Variants in TMEM74B observed in about 807,000 individuals in gnomAD.
TMEM74B encodes transmembrane protein C20orf46.
A neutral mutation model predicts 6.5 loss-of-function variants in TMEM74B; 7 were observed. The observed-to-expected ratio is 1.07, with a 90% CI of 0.61 to 2.01. TMEM74B has a LOEUF of 2.01. Ranked by LOEUF, TMEM74B falls within the 30% of genes most tolerant of loss-of-function variation. TMEM74B has a pLI of 0.00. For missense variants in TMEM74B, 342 were observed against 337.0 expected (o/e 1.01, Z -0.12); for synonymous variants, 151 against 151.6 (o/e 1.00, Z 0.03).
Position 1,183,667 on chromosome 20 carries a change from T to C in TMEM74B, c.31+104A>G. 3 of 1,408,580 alleles carry C rather than the reference T, an allele frequency of 2.1e-6. No homozygotes were observed. In the South Asian group the frequency reaches 3.7e-5, roughly 17 times the overall value. 87.3% of individuals were successfully genotyped at this position (1,408,580 alleles called of 1,614,324 possible). Reference sequence around the variant, plus strand: ...CACCAGCCCCACGATCCGGAATTACTGTCTCTATTTCATAAAACATGGCCA... The same window carrying C: ...CACCAGCCCCACGATCCGGAATTACCGTCTCTATTTCATAAAACATGGCCA... On this transcript the variant is annotated intron_variant, in intron 2 of 2. Transcript: ENST00000429036.
Position 1,180,942 on chromosome 20 carries a change from C to G in TMEM74B, c.677G>C (p.Arg226Pro). 6.2e-7 allele frequency: 1 copy of G among 1,614,128 alleles called. No individual in the cohort carries two copies. Residue 226 changes from arginine to proline, a missense_variant, in exon 3 of 3, where the codon CGC (arginine) becomes CCC (proline). Physicochemically the swap from Arg to Pro is moderately radical, Grantham distance 103 (BLOSUM62 -2). Coordinates refer to ENST00000429036, the MANE Select transcript of TMEM74B (RefSeq NM_001304748.2). The surrounding 1 kb of genome is among the most constrained non-coding windows in gnomAD (Gnocchi z 6.1). ...SRKTYGSINL[R>P]MRQLNGDGGQ... Reference sequence around the variant, plus strand: ...CCCATCCCCATTGAGCTGTCTCATGCGCAGGTTAATGGAGCCGTAGGTCTT... The same window carrying G: ...CCCATCCCCATTGAGCTGTCTCATGGGCAGGTTAATGGAGCCGTAGGTCTT...
Position 1,181,932 on chromosome 20 carries a change from A to T in TMEM74B, c.32-345T>A, listed in dbSNP as rs2086881846. ...AGTACTCAGAACACTAAGTGCTCAA[A>T]GTTAGCGATGAGTTCCTATTATACT... On this transcript the variant is annotated intron_variant, in intron 2 of 2. Coordinates refer to ENST00000429036, the MANE Select transcript of TMEM74B (RefSeq NM_001304748.2). The surrounding 1 kb of genome is among the most constrained non-coding windows in gnomAD (Gnocchi z 4.9). Among the ~76,000 whole-genome samples, 1 of 152,208 alleles carries T rather than the reference A, an allele frequency of 6.6e-6. No homozygotes were observed. Among genetic ancestry groups the T allele is most frequent in the South Asian group, 2.1e-4 (1 of 4,824 alleles).
At chr20:1,188,126 T>C (rs1035636154), upstream of TMEM74B, among the ~76,000 whole-genome samples, 4 of 150,946 alleles carry the variant, frequency 2.6e-5, no homozygotes, top group Non-Finnish European at 1.5e-5. Flanking sequence ...TGCAGATGAT[T>C]ACATACAGAA....
Position 1,181,241 on chromosome 20 carries a change from G to GAAAAC in TMEM74B, c.377_378insGTTTT (p.Leu127PhefsTer7). On this transcript the variant is annotated frameshift_variant, in exon 3 of 3. Transcript: ENST00000429036. LOFTEE classifies it high-confidence loss of function. The surrounding 1 kb of genome is among the most constrained non-coding windows in gnomAD (Gnocchi z 4.9). ...GAATCCCACTCACCAGGAAAACGAG[G>GAAAAC]GCGGAAACAAAGCCATAATCCACCG... is the stretch of plus-strand genomic sequence containing the variant. 2 of 1,614,098 alleles carry GAAAAC rather than the reference G, an allele frequency of 1.2e-6. No individual in the cohort carries two copies. Among genetic ancestry groups the GAAAAC allele is most frequent in the Non-Finnish European group, 1.7e-6 (2 of 1,180,010 alleles).
In TMEM74B at chr20:1,184,621, TACACACAC is replaced by T. The variant is rs66669236; in HGVS notation, c.-475_-468del. 0.085 allele frequency: 12,267 copies of T among 145,130 alleles called. 535 individuals are homozygous for T. The highest frequency in any genetic ancestry group is 0.2 in the South Asian group (861 of 4,410). The allele number at this position is 145,130 out of a possible 1,614,324, so 9.0% of individuals were successfully genotyped here. On this transcript the variant is annotated 5_prime_UTR_variant, in exon 1 of 3. Coordinates refer to ENST00000429036, the MANE Select transcript of TMEM74B (RefSeq NM_001304748.2). This position sits in a 1 kb window ranked among gnomAD's most constrained non-coding sequence, Gnocchi z 6.0. ...GTACCCCGTCACACGCACACGCGCG[TACACACAC>T]ACACACACACACACACACACACACA...
chr20:1,185,130 G>C (rs2086987936), upstream of TMEM74B: 1 of 152,094 alleles, frequency 6.6e-6, no homozygotes, highest in Non-Finnish European at 1.5e-5. Context: ...CCCTCTCCGC[G>C]TGCGTACCTG....
In TMEM74B at chr20:1,184,161, T is replaced by G. The variant is rs768759293; in HGVS notation, c.-148+141A>C. 4.7e-6 allele frequency: 1 copy of G among 213,366 alleles called. No homozygotes were observed. Among genetic ancestry groups the G allele is most frequent in the Non-Finnish European group, 9.3e-6 (1 of 107,582 alleles). The allele number at this position is 213,366 out of a possible 1,614,324, so 13.2% of individuals were successfully genotyped here. A position where few individuals can be genotyped will look rare whatever the true frequency, so the allele number is the denominator to read the frequency against. On this transcript the variant is annotated intron_variant, in intron 1 of 2. Coordinates refer to ENST00000429036, the MANE Select transcript of TMEM74B (RefSeq NM_001304748.2). The surrounding 1 kb of genome is among the most constrained non-coding windows in gnomAD (Gnocchi z 6.0). Reference sequence around the variant, plus strand: ...CAGGAACCCCTTTCCCAGACTGATATATTGATGCCTCCACACCCTGGAAGA... The same window carrying G: ...CAGGAACCCCTTTCCCAGACTGATAGATTGATGCCTCCACACCCTGGAAGA...
At position 1,184,600 on chromosome 20, in the gene TMEM74B, C is replaced by CCGAAGT. The variant is rs1458463589; in HGVS notation, c.-447_-446insACTTCG. The CCGAAGT allele has an allele frequency of 6.7e-6, 1 of 150,324 alleles. No individual in the cohort carries two copies. The highest frequency in any genetic ancestry group is 1.5e-5 in the Non-Finnish European group (1 of 68,306). The allele number at this position is 150,324 out of a possible 1,614,324, so 9.3% of individuals were successfully genotyped here. On this transcript the variant is annotated 5_prime_UTR_variant, in exon 1 of 3. Transcript: ENST00000429036. The surrounding 1 kb of genome is among the most constrained non-coding windows in gnomAD (Gnocchi z 6.0). ...TCGGATCTTCGGGCCACGCGAGTAC[C>CCGAAGT]CCGTCACACGCACACGCGCGTACAC... is the stretch of plus-strand genomic sequence containing the variant.
In TMEM74B at chr20:1,184,556, A is replaced by T. The variant is rs1334752994; in HGVS notation, c.-402T>A. On this transcript the variant is annotated 5_prime_UTR_variant, in exon 1 of 3. Transcript: ENST00000429036. The surrounding 1 kb of genome is among the most constrained non-coding windows in gnomAD (Gnocchi z 6.0). ...CACAGCAGTACCCACAGACACCCAG[A>T]AGTCACGTAGTGTGACCCTCGGATC... The T allele has an allele frequency of 3.9e-5, 6 of 152,674 alleles. No homozygotes were observed. Among genetic ancestry groups the T allele is most frequent in the African/African-American group, 1.5e-4 (6 of 41,372 alleles). The allele number at this position is 152,674 out of a possible 1,614,324, so 9.5% of individuals were successfully genotyped here.
rs749394476 is a variant in TMEM74B at position 1,184,106 on chromosome 20, C to T, written c.-147-158G>A. 7.1e-5 allele frequency: 24 copies of T among 336,818 alleles called. No individual in the cohort carries two copies. The highest frequency in any genetic ancestry group is 4.9e-4 in the African/African-American group (23 of 46,710). 20.9% of individuals were successfully genotyped at this position (336,818 alleles called of 1,614,324 possible). ...TGGCCCCCACCCACACCCTCAGCACCTTCCACCCAACTCAGCTCCTGGAGT... is the reference window on the plus strand; with the variant it reads ...TGGCCCCCACCCACACCCTCAGCACTTTCCACCCAACTCAGCTCCTGGAGT... On this transcript the variant is annotated intron_variant, in intron 1 of 2. Transcript: ENST00000429036. This position sits in a 1 kb window ranked among gnomAD's most constrained non-coding sequence, Gnocchi z 6.0.
intron 2 of TMEM74B, among the ~76,000 whole-genome samples, chr20:1,183,300 G>T (rs1292339163): frequency 6.7e-6 from 1 of 150,104 alleles, no homozygotes; most frequent in East Asian, 1.9e-4. Context: ...CTGTGTGTGT[G>T]TGTGTGTGTG....
At chr20:1,183,028 C>A (rs2086913335) in intron 2 of TMEM74B, among the ~76,000 whole-genome samples, 1 of 152,204 alleles carries the variant, frequency 6.6e-6, no homozygotes, top group African/African-American at 2.4e-5. Context: ...CTCTCCCCGA[C>A]AGGTCCCACC....
In TMEM74B at chr20:1,184,401, C is replaced by A. The variant is rs2086959308; in HGVS notation, c.-247G>T. ...TTACCCTAACATAAGCAGAAACACA[C>A]CAACTGACATAGCTGCTCCCGCCCA... On this transcript the variant is annotated 5_prime_UTR_variant, in exon 1 of 3. Coordinates refer to ENST00000429036, the MANE Select transcript of TMEM74B (RefSeq NM_001304748.2). This position sits in a 1 kb window ranked among gnomAD's most constrained non-coding sequence, Gnocchi z 6.0. 6.6e-6 allele frequency: 1 copy of A among 152,572 alleles called. No homozygotes were observed. Among genetic ancestry groups the A allele is most frequent in the African/African-American group, 2.4e-5 (1 of 41,412 alleles). 9.5% of individuals were successfully genotyped at this position (152,572 alleles called of 1,614,324 possible).
rs746564417 is a variant in TMEM74B, at chr20:1,181,309, G to A, written c.310C>T (p.Leu104Phe). 6.2e-7 allele frequency: 1 copy of A among 1,610,278 alleles called. No individual in the cohort carries two copies. Among genetic ancestry groups the A allele is most frequent in the East Asian group, 2.2e-5 (1 of 44,818 alleles). Residue 104 changes from leucine to phenylalanine, a missense_variant, in exon 3 of 3, where the codon CTT becomes TTT. Leu to Phe is a conservative substitution (Grantham distance 22). Transcript: ENST00000429036. The surrounding 1 kb of genome is among the most constrained non-coding windows in gnomAD (Gnocchi z 4.9). The stretch of plus-strand genomic sequence containing the variant: ...AGGGCTGGCCCCTCCTCTGAATGAA[G>A]GGACAGATCATCCCGCTGGGATCGG... ...LPRSQRDDLS[L>F]HSEEGPALEP...
At chr20:1,185,491 G>A (rs1158055632), upstream of TMEM74B, 1 of 151,088 alleles carries the variant, frequency 6.6e-6, no homozygotes, top group African/African-American at 2.4e-5. Context: ...CGGGGGCCGG[G>A]GCTCGCCGAG....
At position 1,181,027 on chromosome 20, in the gene TMEM74B, A is replaced by C; in HGVS notation, c.592T>G (p.Ser198Ala). Residue 198 changes from serine (S) to alanine (A), a missense_variant, in exon 3 of 3, where the codon TCC becomes GCC. Transcript: ENST00000429036. This position sits in a 1 kb window ranked among gnomAD's most constrained non-coding sequence, Gnocchi z 4.9. ...CGGTACAGCTCGCCCTTGCACAGGG[A>C]GACCATGAGCAGCACCGACAAGAGC... ...GMLLSVLLMV[S>A]LCKGELYRRR... 2 of 1,613,678 alleles carry C rather than the reference A, an allele frequency of 1.2e-6. No individual in the cohort carries two copies. The highest frequency in any genetic ancestry group is 1.7e-6 in the Non-Finnish European group (2 of 1,179,880).
chr20:1,183,967 G>A lies in TMEM74B; in HGVS notation c.-147-19C>T. 1 of 668,246 alleles carries A rather than the reference G, an allele frequency of 1.5e-6. No homozygotes were observed. The highest frequency in any genetic ancestry group is 2.5e-6 in the Non-Finnish European group (1 of 401,916). 41.4% of individuals were successfully genotyped at this position (668,246 alleles called of 1,614,324 possible). On this transcript the variant is annotated intron_variant, in intron 1 of 2. Coordinates refer to ENST00000429036, the MANE Select transcript of TMEM74B (RefSeq NM_001304748.2). ...GCTTTTACTTTCCAGTGAATAGACA[G>A]AAAAAAGAGATGTGTTTGTTGGTTG...
In TMEM74B at chr20:1,181,359, G is replaced by A; in HGVS notation, c.260C>T (p.Pro87Leu). Residue 87 changes from proline (P) to leucine (L), a missense_variant, in exon 3 of 3, where the codon CCC becomes CTC. Physicochemically the swap from Pro to Leu is moderately conservative, Grantham distance 98. Transcript: ENST00000429036. This position sits in a 1 kb window ranked among gnomAD's most constrained non-coding sequence, Gnocchi z 4.9. ...GNTRLGSSPS[P>L]PGGVSSLPRS... ...GGGCAGTGAGGAGACACCCCCAGGG[G>A]GACTGGGTGAGCTGCCCAGTCTCGT... 1 of 1,560,518 alleles carries A rather than the reference G, an allele frequency of 6.4e-7. No homozygotes were observed. Among genetic ancestry groups the A allele is most frequent in the East Asian group, 2.3e-5 (1 of 44,326 alleles).
rs747286060 is a variant in TMEM74B at position 1,183,807 on chromosome 20, C to CT, written c.-7_-6insA. On this transcript the variant is annotated 5_prime_UTR_variant, in exon 2 of 3. An upstream open reading frame in the 5' UTR gains an earlier in-frame stop. Transcript: ENST00000429036. ...TACCCCTGTGCTGGTGGCATCACTC[C>CT]ACCAGCCTTCCCTGGCTCTGCATCC... is the stretch of plus-strand genomic sequence containing the variant. 6.2e-7 allele frequency: 1 copy of CT among 1,613,964 alleles called. No homozygotes were observed. Among genetic ancestry groups the CT allele is most frequent in the South Asian group, 1.1e-5 (1 of 91,038 alleles).
Sources: gnomAD v4.1 joint callset for allele counts (sites outside exome capture counted in the v4.1 genomes callset) on GRCh38, gnomAD v4.1.1 for gene constraint, Gnocchi (gnomAD v3.1) non-coding constraint, MANE v1.5 for transcripts, NCBI Gene and HGNC (gene_info 2026-07-23, HGNC 2026-07-21) for gene names.